The following LGR4 variants were observed in gnomAD, a reference collection of about 807,000 sequenced individuals.
LGR4 encodes the protein leucine rich repeat containing G protein-coupled receptor 4.
In LGR4, 44 loss-of-function variants were observed where a neutral mutation model predicts 84.8. The observed-to-expected ratio is 0.52, with a 90% CI of 0.41 to 0.67. The LOEUF is 0.67. Ranked by LOEUF, LGR4 falls within the 30% of genes least tolerant of loss-of-function variation. The pLI is 0.00. For missense variants in LGR4, 1,032 were observed against 1,131.4 expected, an observed-to-expected ratio of 0.91 and a Z score of 1.26; for synonymous variants, 429 against 434.3, an observed-to-expected ratio of 0.99 and a Z score of 0.15.
intron 1 of LGR4, among the ~76,000 whole-genome samples, chr11:27,462,752 T>C (rs192166471): frequency 1.3e-5 from 2 of 152,182 alleles, no homozygotes; most frequent in African/African-American, 2.4e-5. Context: ...CTGAAGATAA[T>C]GCAAGCTGCC....
intron 1 of LGR4, among the ~76,000 whole-genome samples, chr11:27,459,344 C>T (rs1864634011): frequency 6.6e-6 from 1 of 152,072 alleles, no homozygotes; most frequent in South Asian, 2.1e-4. Flanking sequence ...TGGGAAGGAC[C>T]CTGATGAAAT....
intron 11 of LGR4, among the ~76,000 whole-genome samples, chr11:27,378,194 C>T (rs1863025035): frequency 6.6e-6 from 1 of 152,224 alleles, no homozygotes; most frequent in African/African-American, 2.4e-5. Flanking sequence ...TTGTTACTAT[C>T]TCCTGCCACT....
chr11:27,383,382 G>C (rs146394003), intron 6 of LGR4, among the ~76,000 whole-genome samples: 110 of 152,276 alleles, frequency 7.2e-4, no homozygotes, highest in African/African-American at 2.6e-3. Flanking sequence ...AATTGAAATA[G>C]TGTACACAGC....
intron 1 of LGR4, among the ~76,000 whole-genome samples, chr11:27,414,912 T>C (rs1228752947): frequency 6.6e-6 from 1 of 152,166 alleles, no homozygotes; most frequent in Non-Finnish European, 1.5e-5. Flanking sequence ...ATATACTGAT[T>C]CACCCTTTTC....
At chr11:27,467,576 A>AC (rs1201179650) in intron 1 of LGR4, among the ~76,000 whole-genome samples, 5 of 120,520 alleles carry the variant, frequency 4.1e-5, no homozygotes, top group South Asian at 5.6e-4. Flanking sequence ...CAAAAAAAAA[A>AC]AAAAAATCAA....
intron 12 of LGR4, among the ~76,000 whole-genome samples, chr11:27,376,779 T>C (rs560274148): frequency 6.6e-6 from 1 of 152,198 alleles, no homozygotes; most frequent in Admixed American, 6.5e-5. Flanking sequence ...AGAGTTAAAA[T>C]GGGAGAATTA....
chr11:27,373,670 T>G lies in LGR4; in HGVS notation c.1260A>C (p.Val420=), dbSNP rs373502608. The G allele has an allele frequency of 5.7e-6, 9 of 1,572,348 alleles. No individual in the cohort carries two copies. The Admixed American group carries it at 9.2e-5, about 16-fold the overall frequency. ...GAAAGGAAGTTAATTCATTGAAACTTACATCTCTAAAATATGAATGAGACT... is the reference window on the plus strand; with the variant it reads ...GAAAGGAAGTTAATTCATTGAAACTGACATCTCTAAAATATGAATGAGACT... ...ATLGPITNLD[V]SFNELTSFPT... The change falls in exon 15 of 18, where the codon GTA becomes GTC. Residue 420 remains valine (V), a synonymous_variant. Coordinates refer to ENST00000379214, the MANE Select transcript of LGR4 (RefSeq NM_018490.5).
intron 1 of LGR4, among the ~76,000 whole-genome samples, chr11:27,453,334 T>A (rs1297750280): frequency 6.6e-6 from 1 of 152,240 alleles, no homozygotes; most frequent in Non-Finnish European, 1.5e-5. Flanking sequence ...CCCAAAGTGC[T>A]GGGATTACAG....
In LGR4 at chr11:27,367,736, C is replaced by T; in HGVS notation, c.*131G>A. 2 of 636,424 alleles carry T rather than the reference C, an allele frequency of 3.1e-6. No homozygotes were observed. Among genetic ancestry groups the T allele is most frequent in the South Asian group, 2.5e-5 (1 of 39,516 alleles). 39.4% of individuals were successfully genotyped at this position (636,424 alleles called of 1,614,324 possible). A position where few individuals can be genotyped will look rare whatever the true frequency, so the allele number is the denominator to read the frequency against. On this transcript the variant is annotated 3_prime_UTR_variant, in exon 18 of 18. Transcript: ENST00000379214. ...AATGACTGGTTTGAGAAATAAACTG[C>T]CACCTCTCCTTCTTCTAAGTGACAC...
At chr11:27,371,917 T>G (rs1862891362) in intron 16 of LGR4, among the ~76,000 whole-genome samples, 1 of 152,190 alleles carries the variant, frequency 6.6e-6, no homozygotes, top group Non-Finnish European at 1.5e-5. Flanking sequence ...TGGAATGCAT[T>G]GGCACAATCA....
rs1455084484 is a variant in LGR4, at chr11:27,377,887, A to G, written c.1044-664T>C. Among the ~76,000 whole-genome samples the G allele has an allele frequency of 1.3e-4, 20 of 152,198 alleles. 1 individual carries two copies. The highest frequency in any genetic ancestry group is 1.5e-5 in the Non-Finnish European group (1 of 68,034). ...ATATACAATGATATGGTCCCATAAG[A>G]GTATAATACCATATTTCTGCTCCAA... is the stretch of plus-strand genomic sequence containing the variant. On this transcript the variant is annotated intron_variant, in intron 11 of 17. Transcript: ENST00000379214.
At chr11:27,382,127 G>A in intron 7 of LGR4, 61 bp downstream of exon 7, 1 of 1,076,572 alleles carries the variant, frequency 9.3e-7, no homozygotes, top group Non-Finnish European at 1.4e-6. Flanking sequence ...TCCCATTGTT[G>A]GAACATTAAA....
At chr11:27,439,563 G>C (rs1864266323) in intron 1 of LGR4, among the ~76,000 whole-genome samples, 1 of 152,132 alleles carries the variant, frequency 6.6e-6, no homozygotes, top group South Asian at 2.1e-4. Context: ...TTAAAATCCT[G>C]CTTTCAATTT....
At chr11:27,383,476 T>A (rs1008910747) in intron 6 of LGR4, among the ~76,000 whole-genome samples, 4 of 152,200 alleles carry the variant, frequency 2.6e-5, no homozygotes, top group African/African-American at 7.2e-5. Flanking sequence ...TTTGGAACTA[T>A]CCTCTACAAG....
rs1377579057 is a variant in LGR4, at chr11:27,366,903, T to A, written c.*964A>T. 1 of 152,128 alleles carries A rather than the reference T, an allele frequency of 6.6e-6. No homozygotes were observed. Among genetic ancestry groups the A allele is most frequent in the Non-Finnish European group, 1.5e-5 (1 of 67,992 alleles). The allele number at this position is 152,128 out of a possible 1,614,324, so 9.4% of individuals were successfully genotyped here. The stretch of plus-strand genomic sequence containing the variant: ...TACTTCGTGTCATAATTACTCCCCG[T>A]TTCGTCTAATTAAATGCAAGTATTG... On this transcript the variant is annotated 3_prime_UTR_variant, in exon 18 of 18. Transcript: ENST00000379214.
intron 1 of LGR4, among the ~76,000 whole-genome samples, chr11:27,433,865 T>A (rs558577173): frequency 6.6e-6 from 1 of 152,332 alleles, no homozygotes; most frequent in Non-Finnish European, 1.5e-5. Context: ...CCATGTGACC[T>A]GAAGCAAGTC....
At chr11:27,399,069 C>T (rs1863446916) in intron 2 of LGR4, among the ~76,000 whole-genome samples, 1 of 152,224 alleles carries the variant, frequency 6.6e-6, no homozygotes, top group Admixed American at 6.5e-5. Context: ...TACCACCACA[C>T]TCGGCTAATT....
At chr11:27,402,741 G>A (rs566481292) in intron 2 of LGR4, among the ~76,000 whole-genome samples, 5 of 152,262 alleles carry the variant, frequency 3.3e-5, no homozygotes, top group South Asian at 2.1e-4. Flanking sequence ...AGCATTGTGC[G>A]GTATGCTCAA....
At chr11:27,402,812 T>C (rs1406327580) in intron 2 of LGR4, among the ~76,000 whole-genome samples, 4 of 152,130 alleles carry the variant, frequency 2.6e-5, no homozygotes, top group African/African-American at 7.2e-5. Flanking sequence ...CCCTACTTCA[T>C]CCTATCTACT....
Sources: gnomAD v4.1 joint callset for allele counts (sites outside exome capture counted in the v4.1 genomes callset) on GRCh38, gnomAD v4.1.1 for gene constraint, MANE v1.5 for transcripts, NCBI Gene and HGNC (gene_info 2026-07-23, HGNC 2026-07-21) for gene names.